The following EPM2A variants were observed in gnomAD, a reference collection of about 807,000 sequenced individuals.
EPM2A encodes the protein EPM2A glucan phosphatase, laforin, also known as laforin.
Under a neutral mutation model 26.5 loss-of-function variants are expected in EPM2A, and 21 were observed. The ratio of observed to expected loss-of-function variants is 0.79; its 90% CI spans 0.56 to 1.14. The LOEUF (loss-of-function observed/expected upper bound fraction) is 1.14, where lower values mean the gene tolerates loss of function less well. Among genes scored for constraint, EPM2A ranks in the 50% most tolerant of loss-of-function variants. The pLI, the probability that EPM2A is intolerant of heterozygous loss-of-function variation, is 0.00. For missense variants in EPM2A, 458 were observed against 440.8 expected (o/e 1.04, Z -0.35); for synonymous variants, 217 against 177.6 (o/e 1.22, Z -1.76).
chr6:145,578,173 TAGA>T (rs1415474105), intron 2 of EPM2A, among the ~76,000 whole-genome samples: 5 of 151,886 alleles, frequency 3.3e-5, no homozygotes, highest in Admixed American at 6.5e-5. Context: ...ATCCAATTAG[TAGA>T]AGAAGAGAAA....
intron 1 of EPM2A, among the ~76,000 whole-genome samples, chr6:145,701,143 C>T (rs13200941): frequency 6.6e-6 from 1 of 152,112 alleles, no homozygotes; most frequent in Non-Finnish European, 1.5e-5. Flanking sequence ...ATTAGATTAT[C>T]CTAAAATTTG....
chr6:145,679,127 A>T (rs1430209365), intron 2 of EPM2A, among the ~76,000 whole-genome samples: 7 of 152,252 alleles, frequency 4.6e-5, no homozygotes, highest in Non-Finnish European at 1.5e-5. Context: ...GGAAACCATC[A>T]TTCTCAGCAA....
intron 2 of EPM2A, among the ~76,000 whole-genome samples, chr6:145,557,902 G>GC (rs1469706590): frequency 3.3e-5 from 5 of 151,964 alleles, no homozygotes; most frequent in African/African-American, 1.2e-4. Flanking sequence ...TGCCTCTCCA[G>GC]CCCCCGGTAA....
chr6:145,536,544 G>A (rs1181680318), intron 2 of EPM2A, among the ~76,000 whole-genome samples: 3 of 151,696 alleles, frequency 2.0e-5, no homozygotes, highest in African/African-American at 4.8e-5. Context: ...TGATCCACCC[G>A]CCTCGGCCTC....
intron 2 of EPM2A, among the ~76,000 whole-genome samples, chr6:145,652,925 C>T (rs912341852): frequency 2.0e-5 from 3 of 152,138 alleles, no homozygotes; most frequent in Non-Finnish European, 4.4e-5. Flanking sequence ...TTTCTGACTG[C>T]TTTAAATATA....
At chr6:145,502,545 G>A (rs1434795611) in exon 3 of EPM2A, 7 of 470,542 alleles carry the variant, frequency 1.5e-5, no homozygotes, top group African/African-American at 6.0e-5. Context: ...CCACATCCCC[G>A]AGCAGCACAT....
At chr6:145,597,389 T>G (rs1157657365) in intron 2 of EPM2A, among the ~76,000 whole-genome samples, 1 of 152,220 alleles carries the variant, frequency 6.6e-6, no homozygotes, top group Admixed American at 6.5e-5. Flanking sequence ...AATAGAAGAT[T>G]GCTTCATTGA....
intron 2 of EPM2A, among the ~76,000 whole-genome samples, chr6:145,620,053 A>C (rs1775599102): frequency 6.6e-6 from 1 of 152,214 alleles, no homozygotes; most frequent in South Asian, 2.1e-4. Flanking sequence ...GTCTATAAAG[A>C]ATGAGGGATA....
chr6:145,650,571 T>C (rs954618211), intron 2 of EPM2A, among the ~76,000 whole-genome samples: 4 of 151,978 alleles, frequency 2.6e-5, no homozygotes, highest in South Asian at 2.1e-4. Context: ...AAAAATTAGA[T>C]GTCCTTTATA....
intron 4 of EPM2A, among the ~76,000 whole-genome samples, chr6:145,435,259 A>G (rs1246161274): frequency 6.6e-6 from 1 of 152,164 alleles, no homozygotes; most frequent in African/African-American, 2.4e-5. Context: ...AACATACCCT[A>G]TAGAAAGTAA....
rs77365967 is a variant in EPM2A, at chr6:145,714,434, C to A, written c.301+20764G>T. ...ATAAATAAGGGTGGAGTTTCTATGG[C>A]GTATTTCTGGTCATAAAAACATCAC... On this transcript the variant is annotated intron_variant, in intron 1 of 3. Transcript: ENST00000367519. Among the ~76,000 whole-genome samples the A allele has an allele frequency of 3.9e-3, 597 of 152,208 alleles. 19 individuals carry two copies. The East Asian group carries it at 0.071, about 18-fold the overall frequency.
chr6:145,449,509 C>T (rs1057199830), intron 4 of EPM2A, among the ~76,000 whole-genome samples: 1 of 152,158 alleles, frequency 6.6e-6, no homozygotes, highest in African/African-American at 2.4e-5. Context: ...ATCTAAGTGT[C>T]TCACTTTGTG....
intron 1 of EPM2A, among the ~76,000 whole-genome samples, chr6:145,709,019 C>T (rs1222773148): frequency 6.6e-6 from 1 of 152,142 alleles, no homozygotes. Context: ...GCCTGTAGCC[C>T]CTTAATTTTG....
intron 3 of EPM2A, among the ~76,000 whole-genome samples, chr6:145,502,025 C>A (rs1398983076): frequency 6.6e-6 from 1 of 152,148 alleles, no homozygotes; most frequent in Non-Finnish European, 1.5e-5. Context: ...TAAACTCTTG[C>A]CCTTAAACAA....
At chr6:145,466,417 G>T (rs1427854744) in intron 4 of EPM2A, among the ~76,000 whole-genome samples, 1 of 152,304 alleles carries the variant, frequency 6.6e-6, no homozygotes, top group Non-Finnish European at 1.5e-5. Context: ...GGCCATCAGA[G>T]AAATGCAAAT....
intron 1 of EPM2A, among the ~76,000 whole-genome samples, chr6:145,692,763 C>T (rs1781355261): frequency 6.6e-6 from 1 of 151,958 alleles, no homozygotes; most frequent in Non-Finnish European, 1.5e-5. Context: ...TATTCTGTTC[C>T]ATTGGTCTAT....
chr6:145,585,211 G>A (rs1040909134), intron 2 of EPM2A, among the ~76,000 whole-genome samples: 1 of 151,794 alleles, frequency 6.6e-6, no homozygotes, highest in Non-Finnish European at 1.5e-5. Context: ...GATGTATCTT[G>A]GTATTGTTTT....
At chr6:145,558,067 C>T (rs1780753787) in intron 2 of EPM2A, among the ~76,000 whole-genome samples, 1 of 152,100 alleles carries the variant, frequency 6.6e-6, no homozygotes, top group Admixed American at 6.6e-5. Context: ...TAATGTCCTC[C>T]AGGTTCATCC....
chr6:145,732,871 T>A (rs955976744), intron 1 of EPM2A, among the ~76,000 whole-genome samples: 9 of 152,214 alleles, frequency 5.9e-5, no homozygotes, highest in Admixed American at 1.3e-4. Flanking sequence ...TTAATATATA[T>A]CCTATTCTAC....
Sources: gnomAD v4.1 joint callset for allele counts (sites outside exome capture counted in the v4.1 genomes callset) on GRCh38, gnomAD v4.1.1 for gene constraint, MANE v1.5 for transcripts, NCBI Gene and HGNC (gene_info 2026-07-23, HGNC 2026-07-21) for gene names.